Variants in USP34 observed in about 807,000 individuals in gnomAD.
USP34 encodes ubiquitin specific peptidase 34.
USP34 carries 70 observed loss-of-function variants against 460.3 expected under a neutral mutation model. That is an observed-to-expected ratio of 0.15 (90% CI 0.13 to 0.19). USP34 has a LOEUF of 0.19. Ranked by LOEUF, USP34 falls within the 10% of genes least tolerant of loss-of-function variation. USP34 has a pLI of 1.00. For missense variants in USP34, 3,985 were observed against 4,236.2 expected, an observed-to-expected ratio of 0.94 and a Z score of 1.65; for synonymous variants, 1,647 against 1,405.3, an observed-to-expected ratio of 1.17 and a Z score of -3.85.
chr2:61,265,764 G>T, intron 42 of USP34: 1 of 678,152 alleles, frequency 1.5e-6, no homozygotes, highest in Non-Finnish European at 2.1e-6. Flanking sequence ...GATTTTACTT[G>T]GCCCCAAATT....
At chr2:61,224,346 T>C (rs962730397) in intron 62 of USP34, among the ~76,000 whole-genome samples, 2 of 152,240 alleles carry the variant, frequency 1.3e-5, no homozygotes, top group Non-Finnish European at 2.9e-5. Flanking sequence ...TCTCTGTCCC[T>C]GCATTTTCTA....
intron 37 of USP34, among the ~76,000 whole-genome samples, chr2:61,282,831 TA>T (rs1347160156): frequency 1.3e-5 from 2 of 152,064 alleles, no homozygotes; most frequent in African/African-American, 2.4e-5. Context: ...AGAACTTTTC[TA>T]AAACATAAAT....
At chr2:61,353,340 A>G (rs978260169) in intron 10 of USP34, among the ~76,000 whole-genome samples, 8 of 152,190 alleles carry the variant, frequency 5.3e-5, no homozygotes, top group Non-Finnish European at 1.2e-4. Flanking sequence ...GGAAAGAACA[A>G]AAAGTCCACA....
chr2:61,444,686 G>A (rs1368998583), intron 1 of USP34, among the ~76,000 whole-genome samples: 1 of 151,954 alleles, frequency 6.6e-6, no homozygotes, highest in Non-Finnish European at 1.5e-5. Flanking sequence ...AGGGTGGGAG[G>A]GCCAGCTTTT....
intron 72 of USP34, among the ~76,000 whole-genome samples, 169 bp downstream of exon 72, chr2:61,205,848 G>A (rs1454532531): frequency 6.6e-6 from 1 of 152,184 alleles, no homozygotes; most frequent in African/African-American, 2.4e-5. Flanking sequence ...ATGTAATTAT[G>A]AGCCAGTTAA....
At position 61,301,127 on chromosome 2, in the gene USP34, C is replaced by G; in HGVS notation, c.3952G>C (p.Glu1318Gln). 3.1e-6 allele frequency: 5 copies of G among 1,613,660 alleles called. No homozygotes were observed. The highest frequency in any genetic ancestry group is 4.2e-6 in the Non-Finnish European group (5 of 1,179,896). The change falls in exon 29 of 80, where the codon GAG becomes CAG. Residue 1318 changes from glutamate (E) to glutamine (Q), a missense_variant. By Grantham distance (29) the Glu-to-Gln change is conservative. Transcript: ENST00000398571. ...VFVSLGAPRR[E>Q]RKGEGVQLPA... is the part of the protein sequence containing the mutation. ...AGCTGAACACCTTCCCCTTTCCGCT[C>G]TCTCCTTGGTGCACCCAAAGATACA...
intron 16 of USP34, among the ~76,000 whole-genome samples, chr2:61,341,927 TG>T (rs1163319765): frequency 6.6e-6 from 1 of 151,726 alleles, no homozygotes; most frequent in Non-Finnish European, 1.5e-5. Context: ...CACACCCAGC[TG>T]ATTTTTGTAT....
At chr2:61,281,309 A>G (rs1217678512) in intron 37 of USP34, 67 bp from the exon 38 acceptor site, 2 of 1,521,796 alleles carry the variant, frequency 1.3e-6, no homozygotes, top group African/African-American at 2.8e-5. Context: ...GTTAGCAGAA[A>G]TAATTTTAGG....
chr2:61,406,198 AC>A, intron 2 of USP34, 70 bp from the exon 3 acceptor site: 1 of 1,299,060 alleles, frequency 7.7e-7, no homozygotes, highest in Non-Finnish European at 1.0e-6. Context: ...ATATAAAAAA[AC>A]AAGTAAGCAA....
At chr2:61,197,600 T>C (rs1216697724) in intron 75 of USP34, among the ~76,000 whole-genome samples, 1 of 151,296 alleles carries the variant, frequency 6.6e-6, no homozygotes, top group East Asian at 1.9e-4. Flanking sequence ...TACTTAATAC[T>C]TACTTTCTCT....
At chr2:61,287,152 C>A (rs1689715194) in intron 34 of USP34, among the ~76,000 whole-genome samples, 1 of 152,034 alleles carries the variant, frequency 6.6e-6, no homozygotes, top group Non-Finnish European at 1.5e-5. Context: ...ATCATTTTTC[C>A]CATTTAACCC....
chr2:61,378,496 C>T, intron 7 of USP34, 72 bp from the exon 8 acceptor site: 2 of 925,982 alleles, frequency 2.2e-6, no homozygotes, highest in Non-Finnish European at 3.4e-6. Flanking sequence ...CAAATACTAA[C>T]ATGGTAAACT....
intron 68 of USP34, 73 bp from the exon 69 acceptor site, chr2:61,212,002 G>A (rs1478919829): frequency 9.7e-6 from 14 of 1,444,946 alleles, no homozygotes; most frequent in Admixed American, 5.2e-5. Flanking sequence ...TCATTTCTAC[G>A]TTCATTAATC....
intron 21 of USP34, among the ~76,000 whole-genome samples, chr2:61,320,498 GT>G (rs55678335): frequency 0.33 from 49,846 of 151,882 alleles, 8,294 homozygotes; most frequent in Non-Finnish European, 0.37. Context: ...CCAGGAATCA[GT>G]TTTTTTCCTC....
chr2:61,305,811 AAAGAT>A (rs1320802379), intron 27 of USP34, among the ~76,000 whole-genome samples: 2 of 152,206 alleles, frequency 1.3e-5, no homozygotes, highest in Non-Finnish European at 2.9e-5. Flanking sequence ...GTAAAGGACA[AAAGAT>A]AAGGAAAACC....
chr2:61,244,621 A>G (rs1572866537), intron 51 of USP34, among the ~76,000 whole-genome samples: 1 of 35,740 alleles, frequency 2.8e-5, no homozygotes, highest in Non-Finnish European at 7.8e-5. Context: ...CTTGGGGGCA[A>G]AAAAAAAAAA....
intron 1 of USP34, among the ~76,000 whole-genome samples, chr2:61,423,610 G>A (rs1309291650): frequency 6.6e-6 from 1 of 152,002 alleles, no homozygotes; most frequent in African/African-American, 2.4e-5. Flanking sequence ...GTTAAATATC[G>A]ACACCACCCA....
At chr2:61,388,029 G>C (rs1233843260) in intron 5 of USP34, among the ~76,000 whole-genome samples, 2 of 151,746 alleles carry the variant, frequency 1.3e-5, no homozygotes, top group African/African-American at 4.8e-5. Flanking sequence ...GACTTTGGAA[G>C]GCCAAGGATG....
chr2:61,359,660 A>C (rs962797095), intron 10 of USP34, among the ~76,000 whole-genome samples: 3 of 152,142 alleles, frequency 2.0e-5, no homozygotes, highest in African/African-American at 7.2e-5. Flanking sequence ...TAGATCACAC[A>C]GCAAAAAATA....
Sources: allele counts gnomAD v4.1 joint callset (sites outside exome capture counted in the v4.1 genomes callset), GRCh38; gene constraint gnomAD v4.1.1; transcripts MANE v1.5; gene names NCBI Gene and HGNC (gene_info 2026-07-23, HGNC 2026-07-21).